The following UTP23 variants were observed in gnomAD, a reference collection of about 807,000 sequenced individuals.
The protein encoded by UTP23 is rRNA-processing protein UTP23 homolog.
UTP23 carries 10 observed loss-of-function variants against 19.8 expected under a neutral mutation model. The observed-to-expected ratio is 0.50, with a 90% CI of 0.31 to 0.86. UTP23 has a LOEUF of 0.86. Ranked by LOEUF, UTP23 falls within the 40% of genes least tolerant of loss-of-function variation. The pLI is 0.05. For missense variants in UTP23, 282 were observed against 293.1 expected (o/e 0.96, Z 0.28); for synonymous variants, 108 against 105.4 (o/e 1.02, Z -0.15).
chr8:116,773,163 A>C lies in UTP23; in HGVS notation c.*1321A>C. Reference sequence around the variant, plus strand: ...CAAGCCAAGGTAGTGTTTGGATTGCAATGTCATGATTCTATTTTAAATTCT... The same window carrying C: ...CAAGCCAAGGTAGTGTTTGGATTGCCATGTCATGATTCTATTTTAAATTCT... On this transcript the variant is annotated 3_prime_UTR_variant, in exon 3 of 3. Transcript: ENST00000309822. The C allele has an allele frequency of 1.0e-6, 1 of 985,454 alleles. No homozygotes were observed. Among genetic ancestry groups the C allele is most frequent in the Non-Finnish European group, 1.2e-6 (1 of 829,936 alleles). 61.0% of individuals were successfully genotyped at this position (985,454 alleles called of 1,614,324 possible).
rs556843582 is a variant in UTP23 at position 116,766,805 on chromosome 8, G to C, written c.188+14G>C. On this transcript the variant is annotated intron_variant, in intron 1 of 2. Coordinates refer to ENST00000309822, the MANE Select transcript of UTP23 (RefSeq NM_032334.3). The stretch of plus-strand genomic sequence containing the variant: ...GTGCACCACAAGGTGGGCCCGGGGG[G>C]CTGGGGAGGAGGCACAGAGGGTCCG... 1 of 1,518,360 alleles carries C rather than the reference G, an allele frequency of 6.6e-7. No individual in the cohort carries two copies. The highest frequency in any genetic ancestry group is 8.8e-7 in the Non-Finnish European group (1 of 1,131,004). 94.1% of individuals were successfully genotyped at this position (1,518,360 alleles called of 1,614,324 possible). A position where few individuals can be genotyped will look rare whatever the true frequency, so the allele number is the denominator to read the frequency against.
Position 116,774,544 on chromosome 8 carries a change from T to A in UTP23, c.*2702T>A. The A allele has an allele frequency of 1.5e-6, 1 of 665,508 alleles. No homozygotes were observed. Among genetic ancestry groups the A allele is most frequent in the Non-Finnish European group, 1.9e-6 (1 of 538,746 alleles). The allele number at this position is 665,508 out of a possible 1,614,324, so 41.2% of individuals were successfully genotyped here. A position where few individuals can be genotyped will look rare whatever the true frequency, so the allele number is the denominator to read the frequency against. The stretch of plus-strand genomic sequence containing the variant: ...TATATCTCCAAGATATATATATGTA[T>A]ATAGGTATATACACATATGTATATA... On this transcript the variant is annotated 3_prime_UTR_variant, in exon 3 of 3. Coordinates refer to ENST00000309822, the MANE Select transcript of UTP23 (RefSeq NM_032334.3).
rs1215654253 is a variant in UTP23, at chr8:116,771,590, T to C, written c.498T>C (p.Leu166=). ...AFVKAVESGQ[L]VSVHEKESIK... ...TAAAAGCAGTGGAGTCAGGTCAGCT[T>C]GTCTCAGTGCATGAGAAAGAAAGTA... is the stretch of plus-strand genomic sequence containing the variant. The change falls in exon 3 of 3, where the codon CTT becomes CTC. Residue 166 remains leucine (L), a synonymous_variant. Coordinates refer to ENST00000309822, the MANE Select transcript of UTP23 (RefSeq NM_032334.3). The C allele has an allele frequency of 1.9e-6, 3 of 1,613,040 alleles. No individual in the cohort carries two copies. The highest frequency in any genetic ancestry group is 3.3e-5 in the Admixed American group (2 of 59,788).
At position 116,774,237 on chromosome 8, in the gene UTP23, C is replaced by T. The variant is rs1815695425; in HGVS notation, c.*2395C>T. The T allele has an allele frequency of 5.1e-6, 5 of 985,172 alleles. No homozygotes were observed. The highest frequency in any genetic ancestry group is 6.2e-5 in the Admixed American group (1 of 16,238). 61.0% of individuals were successfully genotyped at this position (985,172 alleles called of 1,614,324 possible). ...AAGTGTTTGCAGTTGTGTATGGGCA[C>T]GATACTGTATTCTTTACATTTTTAT... On this transcript the variant is annotated 3_prime_UTR_variant, in exon 3 of 3. Coordinates refer to ENST00000309822, the MANE Select transcript of UTP23 (RefSeq NM_032334.3).
Position 116,773,059 on chromosome 8 carries a change from A to G in UTP23, c.*1217A>G. The G allele has an allele frequency of 5.1e-6, 3 of 588,420 alleles. No homozygotes were observed. The highest frequency in any genetic ancestry group is 6.0e-6 in the Non-Finnish European group (3 of 499,818). The allele number at this position is 588,420 out of a possible 1,614,324, so 36.4% of individuals were successfully genotyped here. A position where few individuals can be genotyped will look rare whatever the true frequency, so the allele number is the denominator to read the frequency against. ...TTATTCCCATAGAAATGTCATTCTC[A>G]TTTGAATTCAGAGATACTTCTTTGC... On this transcript the variant is annotated 3_prime_UTR_variant, in exon 3 of 3. Transcript: ENST00000309822.
At chr8:116,768,118 C>G (rs987427395) in intron 1 of UTP23, among the ~76,000 whole-genome samples, 1 of 152,144 alleles carries the variant, frequency 6.6e-6, no homozygotes, top group East Asian at 1.9e-4. Context: ...GTCTCCTTTT[C>G]CTCACATACG....
At position 116,772,821 on chromosome 8, in the gene UTP23, G is replaced by T; in HGVS notation, c.*979G>T. 1 of 985,320 alleles carries T rather than the reference G, an allele frequency of 1.0e-6. No homozygotes were observed. Among genetic ancestry groups the T allele is most frequent in the Non-Finnish European group, 1.2e-6 (1 of 829,906 alleles). The allele number at this position is 985,320 out of a possible 1,614,324, so 61.0% of individuals were successfully genotyped here. A position where few individuals can be genotyped will look rare whatever the true frequency, so the allele number is the denominator to read the frequency against. On this transcript the variant is annotated 3_prime_UTR_variant, in exon 3 of 3. Coordinates refer to ENST00000309822, the MANE Select transcript of UTP23 (RefSeq NM_032334.3). ...GAAACGTGTCTCTCTGAATTCCCCC[G>T]GCAATTGTTTTAGTCATTTATCAGG...
rs769000719 is a variant in UTP23, at chr8:116,772,719, G to T, written c.*877G>T. On this transcript the variant is annotated 3_prime_UTR_variant, in exon 3 of 3. Coordinates refer to ENST00000309822, the MANE Select transcript of UTP23 (RefSeq NM_032334.3). ...CAAAAATAATATTCTCTTTGAGATTGACTGTGAATGTTATTGAAAAGTGTC... is the reference window on the plus strand; with the variant it reads ...CAAAAATAATATTCTCTTTGAGATTTACTGTGAATGTTATTGAAAAGTGTC... The T allele has an allele frequency of 6.7e-5, 66 of 984,892 alleles. No homozygotes were observed. Among genetic ancestry groups the T allele is most frequent in the Admixed American group, 1.8e-4 (3 of 16,272 alleles). The allele number at this position is 984,892 out of a possible 1,614,324, so 61.0% of individuals were successfully genotyped here.
At chr8:116,768,970 T>C (rs2131023102) in intron 1 of UTP23, among the ~76,000 whole-genome samples, 1 of 152,328 alleles carries the variant, frequency 6.6e-6, no homozygotes, top group South Asian at 2.1e-4. Context: ...AGGCAGTTTT[T>C]AAAAATTTTG....
intron 1 of UTP23, among the ~76,000 whole-genome samples, chr8:116,767,401 C>T (rs1433033913): frequency 6.6e-6 from 1 of 152,286 alleles, no homozygotes; most frequent in East Asian, 1.9e-4. Flanking sequence ...CTCCTATATG[C>T]CACATACTGC....
Position 116,766,709 on chromosome 8 carries a change from C to G in UTP23, c.106C>G (p.Gln36Glu). ...GATCCTGCTGGACGGCACCTTCTGT[C>G]AGGCGGCGCTGCGGGGCCGCATCCA... ...YQILLDGTFC[Q>E]AALRGRIQLR... Residue 36 changes from glutamine to glutamate, a missense_variant, in exon 1 of 3, where the codon CAG becomes GAG. Transcript: ENST00000309822. 6.2e-7 allele frequency: 1 copy of G among 1,612,664 alleles called. No individual in the cohort carries two copies. The highest frequency in any genetic ancestry group is 8.5e-7 in the Non-Finnish European group (1 of 1,179,420).
At position 116,771,700 on chromosome 8, in the gene UTP23, A is replaced by G. The variant is rs747516305; in HGVS notation, c.608A>G (p.Asn203Ser). Residue 203 changes from asparagine (N) to serine (S), a missense_variant, in exon 3 of 3, where the codon AAT becomes AGT. Transcript: ENST00000309822. ...RKKRKKISGP[N>S]PLSCLKKKKK... Reference sequence around the variant, plus strand: ...AAGCGCAAGAAAATAAGTGGTCCCAATCCTCTTAGTTGTTTGAAGAAAAAG... The same window carrying G: ...AAGCGCAAGAAAATAAGTGGTCCCAGTCCTCTTAGTTGTTTGAAGAAAAAG... 5 of 1,612,944 alleles carry G rather than the reference A, an allele frequency of 3.1e-6. No homozygotes were observed. Among genetic ancestry groups the G allele is most frequent in the African/African-American group, 1.3e-5 (1 of 74,782 alleles).
intron 1 of UTP23, among the ~76,000 whole-genome samples, chr8:116,769,425 T>A (rs901981831): frequency 6.6e-6 from 1 of 152,126 alleles, no homozygotes; most frequent in Non-Finnish European, 1.5e-5. Context: ...ATCTAGGGTG[T>A]CTGGGAAAAT....
At position 116,770,292 on chromosome 8, in the gene UTP23, G is replaced by A; in HGVS notation, c.289G>A (p.Ala97Thr). 6.2e-7 allele frequency: 1 copy of A among 1,614,084 alleles called. No individual in the cohort carries two copies. The highest frequency in any genetic ancestry group is 1.1e-5 in the South Asian group (1 of 91,082). The change falls in exon 2 of 3, where the codon GCA becomes ACA. Residue 97 changes from alanine to threonine, a missense_variant. Coordinates refer to ENST00000309822, the MANE Select transcript of UTP23 (RefSeq NM_032334.3). The part of the protein sequence containing the change: ...QVRNCPHFKN[A>T]VSGSECLLSM... ...TCGAAATTGTCCTCATTTCAAGAAT[G>A]CAGTGAGTGGATCAGAATGTCTGCT...
At position 116,766,540 on chromosome 8, in the gene UTP23, G is replaced by A. The variant is rs186013702; in HGVS notation, c.-64G>A. On this transcript the variant is annotated 5_prime_UTR_variant, in exon 1 of 3. Transcript: ENST00000309822. Reference sequence around the variant, plus strand: ...GGTGAAACTGGCATTGAGGGTACTGGGGCGTGCGTGAGGCGTTTACTGATG... The same window carrying A: ...GGTGAAACTGGCATTGAGGGTACTGAGGCGTGCGTGAGGCGTTTACTGATG... 1.9e-5 allele frequency: 29 copies of A among 1,548,798 alleles called. No homozygotes were observed. In the African/African-American group the frequency reaches 4.0e-4, roughly 21 times the overall value.
chr8:116,766,863 A>C (rs1231455361), intron 1 of UTP23, 72 bp downstream of exon 1: 1 of 1,390,928 alleles, frequency 7.2e-7, no homozygotes, highest in Middle Eastern at 2.5e-4. Flanking sequence ...CGTTGCTCAC[A>C]GACCTTCATT....
chr8:116,771,344 A>C, intron 2 of UTP23, 112 bp from the exon 3 acceptor site: 1 of 925,406 alleles, frequency 1.1e-6, no homozygotes, highest in Non-Finnish European at 1.5e-6. Flanking sequence ...AGGCTTACTC[A>C]TTTGAAAAAT....
In UTP23 at chr8:116,766,986, G is replaced by A. The variant is rs1815591275; in HGVS notation, c.188+195G>A. Reference sequence around the variant, plus strand: ...AGAGGCAGATTGGACAGTGCCCTGTGAATATCACGTGTCGTTAGCCTGGCG... The same window carrying A: ...AGAGGCAGATTGGACAGTGCCCTGTAAATATCACGTGTCGTTAGCCTGGCG... On this transcript the variant is annotated intron_variant, in intron 1 of 2. Transcript: ENST00000309822. The A allele has an allele frequency of 5.7e-6, 3 of 527,366 alleles. No individual in the cohort carries two copies. The South Asian group carries it at 8.5e-5, about 15-fold the overall frequency. 32.7% of individuals were successfully genotyped at this position (527,366 alleles called of 1,614,324 possible).
intron 1 of UTP23, among the ~76,000 whole-genome samples, chr8:116,767,564 G>C (rs1815600961): frequency 6.6e-6 from 1 of 152,190 alleles, no homozygotes; most frequent in African/African-American, 2.4e-5. Context: ...ACAGATTTCA[G>C]ATAACATTTG....
Sources: allele counts gnomAD v4.1 joint callset (sites outside exome capture counted in the v4.1 genomes callset), GRCh38; gene constraint gnomAD v4.1.1; transcripts MANE v1.5; gene names NCBI Gene and HGNC (gene_info 2026-07-23, HGNC 2026-07-21).